TBCK: variants seen among roughly 807,000 people sequenced by gnomAD.
The protein encoded by TBCK is TBC1 domain containing kinase.
TBCK carries 99 observed loss-of-function variants against 113.4 expected under a neutral mutation model. The ratio of observed to expected loss-of-function variants is 0.87; its 90% CI spans 0.74 to 1.03. TBCK has a LOEUF of 1.03. Ranked by LOEUF, TBCK falls within the 50% of genes least tolerant of loss-of-function variation. The pLI, the probability that TBCK is intolerant of heterozygous loss-of-function variation, is 0.00. For missense variants in TBCK, 1,045 were observed against 1,061.3 expected, an observed-to-expected ratio of 0.98 and a Z score of 0.21; for synonymous variants, 369 against 370.8, an observed-to-expected ratio of 1.00 and a Z score of 0.05.
intron 25 of TBCK, among the ~76,000 whole-genome samples, chr4:106,050,426 T>C (rs1047963180): frequency 5.3e-5 from 8 of 151,994 alleles, no homozygotes; most frequent in African/African-American, 1.9e-4. Context: ...TTTCCAAAAT[T>C]GACCAATTCA....
chr4:106,274,829 C>G (rs866401482), intron 3 of TBCK, among the ~76,000 whole-genome samples: 1 of 152,104 alleles, frequency 6.6e-6, no homozygotes, highest in Non-Finnish European at 1.5e-5. Flanking sequence ...AATTACATCT[C>G]AATTTTAAGA....
intron 22 of TBCK, 59 bp from the exon 23 acceptor site, chr4:106,171,329 A>C (rs1349813027): frequency 3.2e-6 from 4 of 1,269,604 alleles, no homozygotes; most frequent in Non-Finnish European, 2.2e-6. Flanking sequence ...CTTTTAATGT[A>C]ATAAACACCA....
At chr4:106,183,534 C>T (rs1002312060) in intron 22 of TBCK, among the ~76,000 whole-genome samples, 1 of 152,038 alleles carries the variant, frequency 6.6e-6, no homozygotes, top group Admixed American at 6.6e-5. Context: ...CAGAGCTACA[C>T]TATGTCTTAT....
chr4:106,179,652 C>T (rs749247627), intron 22 of TBCK, among the ~76,000 whole-genome samples: 15 of 151,924 alleles, frequency 9.9e-5, no homozygotes, highest in South Asian at 2.1e-4. Context: ...AGACTTGTTT[C>T]GTGAACACAG....
intron 25 of TBCK, among the ~76,000 whole-genome samples, chr4:106,052,100 T>C (rs962631133): frequency 3.3e-5 from 5 of 151,874 alleles, no homozygotes; most frequent in Non-Finnish European, 7.4e-5. Flanking sequence ...CTCATTGAAG[T>C]TTATTTTCTT....
chr4:106,081,154 C>T (rs1013218300), intron 25 of TBCK, among the ~76,000 whole-genome samples: 10 of 152,148 alleles, frequency 6.6e-5, no homozygotes, highest in Non-Finnish European at 8.8e-5. Flanking sequence ...GCAAAAATAC[C>T]ATTTGACCCA....
At chr4:106,145,969 T>C (rs1453144314) in intron 23 of TBCK, among the ~76,000 whole-genome samples, 1 of 152,134 alleles carries the variant, frequency 6.6e-6, no homozygotes, top group Admixed American at 6.5e-5. Flanking sequence ...GTCCAACCAT[T>C]GTGGAAAGCA....
At chr4:106,074,693 A>C (rs578018708) in intron 25 of TBCK, among the ~76,000 whole-genome samples, 1 of 152,324 alleles carries the variant, frequency 6.6e-6, no homozygotes, top group African/African-American at 2.4e-5. Flanking sequence ...CTCACTTATA[A>C]AGACATTAAT....
chr4:106,082,920 G>A (rs1269749746), intron 25 of TBCK, among the ~76,000 whole-genome samples: 2 of 152,220 alleles, frequency 1.3e-5, no homozygotes, highest in Non-Finnish European at 2.9e-5. Context: ...ACCCAGCCAG[G>A]GGAAACTGTG....
chr4:106,236,336 A>C lies in TBCK; in HGVS notation c.1350+54T>G, dbSNP rs1016236576. On this transcript the variant is annotated intron_variant, in intron 14 of 25. Coordinates refer to ENST00000394708, the MANE Select transcript of TBCK (RefSeq NM_001163435.3). ...TTCCCTAAGAATTATTGAAAAAATT[A>C]AAAAAAAATTCCATATGGGCTATTG... 6 of 1,235,110 alleles carry C rather than the reference A, an allele frequency of 4.9e-6. No homozygotes were observed. In the African/African-American group the frequency reaches 9.3e-5, roughly 19 times the overall value. The allele number at this position is 1,235,110 out of a possible 1,614,324, so 76.5% of individuals were successfully genotyped here.
intron 17 of TBCK, among the ~76,000 whole-genome samples, 155 bp from the exon 18 acceptor site, chr4:106,231,934 G>A (rs1249191887): frequency 6.6e-6 from 1 of 151,716 alleles, no homozygotes; most frequent in Non-Finnish European, 1.5e-5. Context: ...AGTTACTGTG[G>A]GGAGTGAGTG....
intron 3 of TBCK, among the ~76,000 whole-genome samples, chr4:106,286,569 T>C (rs1765129408): frequency 6.6e-6 from 1 of 152,166 alleles, no homozygotes; most frequent in Non-Finnish European, 1.5e-5. Context: ...TGCCTGTGCC[T>C]GTAATCCCAA....
intron 22 of TBCK, among the ~76,000 whole-genome samples, chr4:106,193,355 T>TTA (rs1753864287): frequency 6.6e-6 from 1 of 152,150 alleles, no homozygotes; most frequent in Non-Finnish European, 1.5e-5. Flanking sequence ...CCCAACTTCC[T>TTA]GGCATTTTAC....
chr4:106,192,218 A>G (rs1753749556), intron 22 of TBCK, among the ~76,000 whole-genome samples: 1 of 152,128 alleles, frequency 6.6e-6, no homozygotes. Flanking sequence ...AGTGTTTAAC[A>G]GGAGCATTTA....
At chr4:106,256,481 G>A (rs1420494098) in intron 5 of TBCK, among the ~76,000 whole-genome samples, 2 of 152,198 alleles carry the variant, frequency 1.3e-5, no homozygotes, top group African/African-American at 4.8e-5. Flanking sequence ...CAGCACCTGG[G>A]CTTGACCCCA....
intron 23 of TBCK, among the ~76,000 whole-genome samples, chr4:106,152,672 A>C (rs1301677530): frequency 6.6e-6 from 1 of 151,996 alleles, no homozygotes; most frequent in African/African-American, 2.4e-5. Flanking sequence ...GTTCTCTTTA[A>C]ATGTTTGATA....
chr4:106,254,691 C>T (rs895847111), intron 5 of TBCK, among the ~76,000 whole-genome samples: 16 of 152,004 alleles, frequency 1.1e-4, no homozygotes, highest in Admixed American at 1.3e-4. Context: ...CAAGGTACAA[C>T]TTATTTTCCT....
At chr4:106,110,508 C>T (rs1742714545) in intron 24 of TBCK, among the ~76,000 whole-genome samples, 1 of 152,158 alleles carries the variant, frequency 6.6e-6, no homozygotes, top group African/African-American at 2.4e-5. Context: ...AGCATTGAAA[C>T]AGCTGCTTAA....
chr4:106,309,201 T>A (rs1183685972), intron 1 of TBCK, among the ~76,000 whole-genome samples: 1 of 151,502 alleles, frequency 6.6e-6, no homozygotes, highest in Non-Finnish European at 1.5e-5. Context: ...AGATTTTCAA[T>A]GGCATAAAAA....
Sources: gnomAD v4.1 joint callset for allele counts (sites outside exome capture counted in the v4.1 genomes callset) on GRCh38, gnomAD v4.1.1 for gene constraint, MANE v1.5 for transcripts, NCBI Gene and HGNC (gene_info 2026-07-23, HGNC 2026-07-21) for gene names.